LRRC28: variants seen among roughly 807,000 people sequenced by gnomAD.
LRRC28 encodes leucine rich repeat containing 28, also known as leucine-rich repeat-containing protein 28.
In LRRC28, 39 loss-of-function variants were observed where a neutral mutation model predicts 45.7. The observed-to-expected ratio is 0.85, with a 90% CI of 0.66 to 1.12. The LOEUF (loss-of-function observed/expected upper bound fraction) is 1.12, where lower values mean the gene tolerates loss of function less well. Ranked by LOEUF, LRRC28 falls within the 50% of genes most tolerant of loss-of-function variation. LRRC28 has a pLI of 0.00. For synonymous variants in LRRC28, 206 were observed against 178.8 expected (o/e 1.15, Z -1.22); for missense variants, 435 against 438.5 (o/e 0.99, Z 0.07).
At chr15:99,279,086 T>G (rs535783969) in intron 3 of LRRC28, among the ~76,000 whole-genome samples, 1 of 152,364 alleles carries the variant, frequency 6.6e-6, no homozygotes, top group African/African-American at 2.4e-5. Flanking sequence ...TGGTAATCAC[T>G]AATGTACTTT....
intron 2 of LRRC28, chr15:99,259,399 A>C: frequency 6.4e-7 from 1 of 1,550,886 alleles, no homozygotes; most frequent in East Asian, 2.2e-5. Flanking sequence ...CCAAGGAAGG[A>C]GTGAAGTTTG....
chr15:99,292,744 T>G (rs1390031364), intron 5 of LRRC28, among the ~76,000 whole-genome samples: 1 of 152,208 alleles, frequency 6.6e-6, no homozygotes, highest in Admixed American at 6.5e-5. Context: ...TTAGACTGAT[T>G]TTTCTTTAAC....
intron 7 of LRRC28, among the ~76,000 whole-genome samples, chr15:99,356,076 G>C (rs543249484): frequency 6.6e-6 from 1 of 152,330 alleles, no homozygotes; most frequent in South Asian, 2.1e-4. Flanking sequence ...CGCCCATGAA[G>C]TTAGTTGTTG....
intron 6 of LRRC28, among the ~76,000 whole-genome samples, chr15:99,351,928 A>G (rs1294660051): frequency 1.3e-5 from 2 of 152,210 alleles, no homozygotes; most frequent in Non-Finnish European, 2.9e-5. Context: ...AGGCAACATC[A>G]GGAATAAGGA....
At position 99,387,873 on chromosome 15, in the gene LRRC28, A is replaced by G. The variant is rs1357122175; in HGVS notation, c.*1771A>G. 3.8e-4 allele frequency: 58 copies of G among 152,180 alleles called. No homozygotes were observed. Among genetic ancestry groups the G allele is most frequent in the Admixed American group, 3.8e-3 (58 of 15,286 alleles). 9.4% of individuals were successfully genotyped at this position (152,180 alleles called of 1,614,324 possible). A position where few individuals can be genotyped will look rare whatever the true frequency, so the allele number is the denominator to read the frequency against. ...CTCTTAACAGTGCCAAAAATCCTAC[A>G]TAGTTACTGACAAATGTGTGATCTT... On this transcript the variant is annotated 3_prime_UTR_variant, in exon 10 of 10. Coordinates refer to ENST00000301981, the MANE Select transcript of LRRC28 (RefSeq NM_144598.5).
chr15:99,342,119 G>C (rs947056910), intron 6 of LRRC28, among the ~76,000 whole-genome samples: 4 of 152,192 alleles, frequency 2.6e-5, no homozygotes, highest in African/African-American at 9.7e-5. Context: ...CCATAAATCT[G>C]TAAATTAGAA....
At chr15:99,352,662 A>C (rs1956921962) in intron 7 of LRRC28, 191 bp downstream of exon 7, 1 of 542,066 alleles carries the variant, frequency 1.8e-6, no homozygotes, top group Non-Finnish European at 3.2e-6. Context: ...CTAAAGAAAA[A>C]TGAATCCATG....
chr15:99,261,487 C>T (rs746600344), intron 2 of LRRC28, among the ~76,000 whole-genome samples: 5 of 152,152 alleles, frequency 3.3e-5, no homozygotes, highest in South Asian at 2.1e-4. Flanking sequence ...TTCCTGGGTT[C>T]GCAGATGGTG....
intron 3 of LRRC28, among the ~76,000 whole-genome samples, chr15:99,281,333 C>CG (rs1355707830): frequency 6.6e-6 from 1 of 152,100 alleles, no homozygotes; most frequent in Non-Finnish European, 1.5e-5. Context: ...CTCACTGTAA[C>CG]ATCAAACTCC....
intron 2 of LRRC28, among the ~76,000 whole-genome samples, chr15:99,262,455 G>A (rs759847496): frequency 5.9e-5 from 9 of 152,164 alleles, no homozygotes; most frequent in South Asian, 4.1e-4. Flanking sequence ...GGTGGTGCGC[G>A]TCTGTAGTCC....
intron 6 of LRRC28, among the ~76,000 whole-genome samples, chr15:99,351,461 C>T: frequency 6.6e-6 from 1 of 152,164 alleles, no homozygotes; most frequent in Non-Finnish European, 1.5e-5. Flanking sequence ...GGCCCCCTTT[C>T]TCAACTTCCT....
In LRRC28 at chr15:99,334,050, T is replaced by C. The variant is rs756777244; in HGVS notation, c.513T>C (p.Tyr171=). 3 of 1,614,182 alleles carry C rather than the reference T, an allele frequency of 1.9e-6. No individual in the cohort carries two copies. Among genetic ancestry groups the C allele is most frequent in the South Asian group, 1.1e-5 (1 of 91,088 alleles). ...YLTVDRNRLW[Y]VPRHLCQLPS... is the part of the protein sequence containing the mutation. Reference sequence around the variant, plus strand: ...CTGTGGACCGAAATCGTCTATGGTATGTGCCGCGCCATCTCTGCCAGCTGC... The same window carrying C: ...CTGTGGACCGAAATCGTCTATGGTACGTGCCGCGCCATCTCTGCCAGCTGC... Residue 171 remains tyrosine, a synonymous_variant, in exon 6 of 10, where the codon TAT becomes TAC. Coordinates refer to ENST00000301981, the MANE Select transcript of LRRC28 (RefSeq NM_144598.5).
At chr15:99,347,868 A>G (rs1313140963) in intron 6 of LRRC28, among the ~76,000 whole-genome samples, 6 of 152,160 alleles carry the variant, frequency 3.9e-5, no homozygotes, top group Non-Finnish European at 7.4e-5. Context: ...GTTTTCCATA[A>G]TGGCTGCACC....
chr15:99,317,934 A>G (rs1022349415), intron 5 of LRRC28, among the ~76,000 whole-genome samples: 8 of 152,220 alleles, frequency 5.3e-5, no homozygotes, highest in Non-Finnish European at 1.2e-4. Flanking sequence ...AGTGCACAAC[A>G]AAAGATTGGT....
At chr15:99,325,024 AGTGTG>A (rs1955925680) in intron 5 of LRRC28, among the ~76,000 whole-genome samples, 1 of 152,186 alleles carries the variant, frequency 6.6e-6, no homozygotes, top group Admixed American at 6.6e-5. Flanking sequence ...CAGTTTGGGG[AGTGTG>A]CCATCTCACC....
Position 99,387,890 on chromosome 15 carries a change from T to G in LRRC28, c.*1788T>G, listed in dbSNP as rs1958074782. 1 of 152,212 alleles carries G rather than the reference T, an allele frequency of 6.6e-6. No homozygotes were observed. Among genetic ancestry groups the G allele is most frequent in the African/African-American group, 2.4e-5 (1 of 41,452 alleles). 9.4% of individuals were successfully genotyped at this position (152,212 alleles called of 1,614,324 possible). On this transcript the variant is annotated 3_prime_UTR_variant, in exon 10 of 10. Transcript: ENST00000301981. ...AATCCTACATAGTTACTGACAAATG[T>G]GTGATCTTTTTACAGTCACAACACC...
In LRRC28 at chr15:99,296,872, G is replaced by A. The variant is rs116031297; in HGVS notation, c.385+8921G>A. Among the ~76,000 whole-genome samples the A allele has an allele frequency of 2.7e-3, 409 of 152,084 alleles. 4 individuals carry two copies. The highest frequency in any genetic ancestry group is 9.2e-3 in the African/African-American group (380 of 41,478). ...GGGATTAGACAGGAGAGAGAAGGAAGTATTGAGTGTGTTATTGTAGCTAGT... is the reference window on the plus strand; with the variant it reads ...GGGATTAGACAGGAGAGAGAAGGAAATATTGAGTGTGTTATTGTAGCTAGT... On this transcript the variant is annotated intron_variant, in intron 5 of 9. Transcript: ENST00000301981.
At chr15:99,364,933 A>G (rs970553925) in intron 9 of LRRC28, among the ~76,000 whole-genome samples, 1 of 152,198 alleles carries the variant, frequency 6.6e-6, no homozygotes, top group African/African-American at 2.4e-5. Context: ...GAAAATCTTA[A>G]CTAATTCATT....
At chr15:99,264,144 T>G (rs1323790946) in intron 2 of LRRC28, among the ~76,000 whole-genome samples, 4 of 152,250 alleles carry the variant, frequency 2.6e-5, no homozygotes, top group African/African-American at 9.6e-5. Flanking sequence ...ACACAGATTC[T>G]GTGTCTGTGT....
Sources: allele counts gnomAD v4.1 joint callset (sites outside exome capture counted in the v4.1 genomes callset), GRCh38; gene constraint gnomAD v4.1.1; transcripts MANE v1.5; gene names NCBI Gene and HGNC (gene_info 2026-07-23, HGNC 2026-07-21).